RMST: variants seen among roughly 807,000 people sequenced by gnomAD.
The protein encoded by RMST is long intergenic non-protein coding RNA 54.
At chr12:97,478,805 A>G (rs1874860106) in intron 5 of RMST, among the ~76,000 whole-genome samples, 2 of 152,230 alleles carry the variant, frequency 1.3e-5, no homozygotes, top group Admixed American at 1.3e-4. Context: ...GAGATTTAAC[A>G]AGAAAACAAT....
At chr12:97,535,088 A>G (rs1053281087) in intron 11 of RMST, among the ~76,000 whole-genome samples, 1 of 151,730 alleles carries the variant, frequency 6.6e-6, no homozygotes, top group Admixed American at 6.6e-5. Context: ...ATCCTCTTTA[A>G]CAGACAATAA....
At chr12:97,541,653 G>C (rs553752843) in intron 11 of RMST, among the ~76,000 whole-genome samples, 1 of 150,046 alleles carries the variant, frequency 6.7e-6, no homozygotes, top group Admixed American at 6.7e-5. Context: ...TCAGACAAAA[G>C]CTCAGAGATC....
At chr12:97,522,733 A>G (rs773960646) in intron 10 of RMST, among the ~76,000 whole-genome samples, 1 of 152,178 alleles carries the variant, frequency 6.6e-6, no homozygotes, top group Non-Finnish European at 1.5e-5. Context: ...TTTCATGAAT[A>G]TATTTTATCA....
chr12:97,508,854 G>T (rs1878984480), intron 10 of RMST, among the ~76,000 whole-genome samples: 1 of 152,192 alleles, frequency 6.6e-6, no homozygotes, highest in Non-Finnish European at 1.5e-5. Flanking sequence ...AGACGGTCAA[G>T]AATTACAACA....
At chr12:97,521,125 A>G (rs1264115722) in intron 10 of RMST, among the ~76,000 whole-genome samples, 1 of 152,236 alleles carries the variant, frequency 6.6e-6, no homozygotes, top group African/African-American at 2.4e-5. Flanking sequence ...ATTTAGAGTT[A>G]TGATTAATTG....
At chr12:97,488,210 C>T (rs1468515352) in intron 5 of RMST, among the ~76,000 whole-genome samples, 2 of 152,144 alleles carry the variant, frequency 1.3e-5, no homozygotes, top group Non-Finnish European at 2.9e-5. Context: ...ATGGCGAAAC[C>T]CTGTCTCTAC....
intron 11 of RMST, among the ~76,000 whole-genome samples, chr12:97,536,576 G>A (rs1882094890): frequency 6.6e-6 from 1 of 151,494 alleles, no homozygotes; most frequent in Non-Finnish European, 1.5e-5. Flanking sequence ...ATGTGGTAGA[G>A]AGTGAGGAAG....
At chr12:97,495,289 T>C (rs2136460919) in intron 9 of RMST, among the ~76,000 whole-genome samples, 1 of 152,216 alleles carries the variant, frequency 6.6e-6, no homozygotes, top group East Asian at 1.9e-4. Context: ...ATATATACTT[T>C]GACACATTCT....
At chr12:97,484,480 G>A (rs973789620) in intron 5 of RMST, among the ~76,000 whole-genome samples, 4 of 152,120 alleles carry the variant, frequency 2.6e-5, no homozygotes, top group Admixed American at 6.6e-5. Flanking sequence ...CCTATGTGCC[G>A]AAACCCTTTT....
chr12:97,561,271 G>A (rs182483419), intron 13 of RMST, among the ~76,000 whole-genome samples: 2,378 of 152,216 alleles, frequency 0.016, 64 homozygotes, highest in African/African-American at 0.052. Flanking sequence ...GCTCTCCTCC[G>A]AGCCAATGAC....
intron 10 of RMST, among the ~76,000 whole-genome samples, chr12:97,525,745 C>A (rs1206252839): frequency 6.6e-6 from 1 of 152,282 alleles, no homozygotes; most frequent in African/African-American, 2.4e-5. Context: ...GGCCCCTAAT[C>A]CCCTGGCCAC....
At chr12:97,563,107 T>G (rs1414904854) in intron 13 of RMST, 1 of 152,152 alleles carries the variant, frequency 6.6e-6, no homozygotes, top group Non-Finnish European at 1.5e-5. Context: ...CCAAGAGCAA[T>G]GTCACTTTAA....
At chr12:97,502,652 A>G (rs935330501) in intron 10 of RMST, among the ~76,000 whole-genome samples, 14 of 151,980 alleles carry the variant, frequency 9.2e-5, no homozygotes, top group African/African-American at 2.9e-4. Flanking sequence ...TTTAATAGAG[A>G]TGAGGTCTCA....
At chr12:97,484,725 T>A (rs1875869143) in intron 5 of RMST, among the ~76,000 whole-genome samples, 1 of 152,224 alleles carries the variant, frequency 6.6e-6, no homozygotes, top group African/African-American at 2.4e-5. Context: ...TCAAGCTATA[T>A]ATAACTCTTC....
chr12:97,533,090 A>G (rs537931582), intron 11 of RMST: 2 of 151,968 alleles, frequency 1.3e-5, no homozygotes, highest in Non-Finnish European at 2.9e-5. Context: ...TTCTGGTGGC[A>G]GAGAATATAC....
chr12:97,544,696 C>G (rs1004058971), intron 11 of RMST, among the ~76,000 whole-genome samples: 2 of 152,058 alleles, frequency 1.3e-5, no homozygotes, highest in African/African-American at 4.8e-5. Flanking sequence ...CAACTAATTT[C>G]TCTGCAATCT....
intron 10 of RMST, among the ~76,000 whole-genome samples, chr12:97,512,796 C>G (rs1364511097): frequency 1.3e-5 from 2 of 152,226 alleles, no homozygotes; most frequent in Non-Finnish European, 1.5e-5. Context: ...CACTCCTTAG[C>G]CCTTGGGTGG....
chr12:97,560,202 G>T (rs1458798746), intron 11 of RMST, among the ~76,000 whole-genome samples: 1 of 152,160 alleles, frequency 6.6e-6, no homozygotes, highest in Non-Finnish European at 1.5e-5. Flanking sequence ...GACATTGTAG[G>T]TTAATAGTAG....
chr12:97,555,161 A>G (rs1404373003), intron 11 of RMST, among the ~76,000 whole-genome samples: 1 of 152,164 alleles, frequency 6.6e-6, no homozygotes, highest in Non-Finnish European at 1.5e-5. Flanking sequence ...CATATTTGCT[A>G]AAAGGTTCTT....
Sources: allele counts gnomAD v4.1 joint callset (sites outside exome capture counted in the v4.1 genomes callset), GRCh38; gene constraint gnomAD v4.1.1; transcripts MANE v1.5; gene names NCBI Gene and HGNC (gene_info 2026-07-23, HGNC 2026-07-21).